Variants in FAM13C observed in about 807,000 individuals in gnomAD.
FAM13C encodes the protein family with sequence similarity 13 member C, also known as protein FAM13C.
FAM13C carries 37 observed loss-of-function variants against 73.2 expected under a neutral mutation model. The observed-to-expected ratio is 0.51, with a 90% CI of 0.39 to 0.67. The LOEUF is 0.67. Among genes scored for constraint, FAM13C ranks in the 30% least tolerant of loss-of-function variants. The probability of loss-of-function intolerance (pLI) is 0.00; values close to 1 mark genes in which losing one functional copy is unlikely to be tolerated. For missense variants in FAM13C, 589 were observed against 715.6 expected, an observed-to-expected ratio of 0.82 and a Z score of 2.02; for synonymous variants, 246 against 260.9, an observed-to-expected ratio of 0.94 and a Z score of 0.55.
intron 4 of FAM13C, among the ~76,000 whole-genome samples, chr10:59,313,375 T>C (rs902100229): frequency 1.3e-5 from 2 of 152,188 alleles, no homozygotes; most frequent in African/African-American, 4.8e-5. Context: ...TGTCATGCAA[T>C]AGCCTGGGTC....
In FAM13C at chr10:59,310,852, C is replaced by T. The variant is rs556944321; in HGVS notation, c.444-7988G>A. 2.6e-5 allele frequency among the ~76,000 whole-genome samples: 4 copies of T among 152,278 alleles called. No homozygotes were observed. The South Asian group carries it at 8.3e-4, about 32-fold the overall frequency. On this transcript the variant is annotated intron_variant, in intron 4 of 13. Transcript: ENST00000618804. ...AAAACAGAGATTCCTGGGCCACAAC[C>T]CAAACCTACTTAATCAGAATTTCCA...
chr10:59,351,727 G>A (rs1589720277), intron 3 of FAM13C, among the ~76,000 whole-genome samples: 1 of 152,144 alleles, frequency 6.6e-6, no homozygotes, highest in Non-Finnish European at 1.5e-5. Flanking sequence ...CAGGCGTGGT[G>A]GCTCACGCCT....
chr10:59,310,946 A>C (rs1021110497), intron 4 of FAM13C, among the ~76,000 whole-genome samples: 1 of 152,166 alleles, frequency 6.6e-6, no homozygotes, highest in African/African-American at 2.4e-5. Flanking sequence ...ACGCTATCCT[A>C]AAGGTCCAAG....
chr10:59,293,879 T>C (rs72808537), intron 5 of FAM13C, among the ~76,000 whole-genome samples: 23,583 of 152,236 alleles, frequency 0.15, 2,236 homozygotes, highest in East Asian at 0.27. Context: ...GAATTACCCT[T>C]AGAAGAAAAC....
intron 10 of FAM13C, among the ~76,000 whole-genome samples, chr10:59,261,901 T>A (rs1193694038): frequency 6.6e-6 from 1 of 152,136 alleles, no homozygotes; most frequent in African/African-American, 2.4e-5. Context: ...GACAACTCTA[T>A]CTAGATGCCT....
chr10:59,300,949 C>A (rs1045867805), intron 5 of FAM13C: 17 of 152,104 alleles, frequency 1.1e-4, no homozygotes, highest in African/African-American at 3.6e-4. Context: ...ATTTTCTATC[C>A]CCATTAAAAA....
chr10:59,269,673 C>T (rs1345387544), intron 7 of FAM13C, among the ~76,000 whole-genome samples: 1 of 152,132 alleles, frequency 6.6e-6, no homozygotes, highest in Non-Finnish European at 1.5e-5. Context: ...ACATGTGAGC[C>T]GCTGGGCTAT....
At chr10:59,277,091 A>G (rs1259019375) in intron 6 of FAM13C, among the ~76,000 whole-genome samples, 1 of 152,202 alleles carries the variant, frequency 6.6e-6, no homozygotes, top group Non-Finnish European at 1.5e-5. Flanking sequence ...ACCATGAAGC[A>G]GAGGTTCAAT....
chr10:59,336,813 C>T (rs1029768739), intron 3 of FAM13C, among the ~76,000 whole-genome samples: 2 of 152,146 alleles, frequency 1.3e-5, no homozygotes, highest in Non-Finnish European at 2.9e-5. Flanking sequence ...AATAGAAAAA[C>T]GTTTGCAAAG....
rs1361808996 is a variant in FAM13C, at chr10:59,324,080, C to T, written c.351G>A (p.Gln117=). Residue 117 remains glutamine, a synonymous_variant, in exon 4 of 14, where the codon CAG becomes CAA. Coordinates refer to ENST00000618804, the MANE Select transcript of FAM13C (RefSeq NM_198215.4). ...SQETEHVVSS[Q]SECQVRAGTP... ...TTCCTGCTCTCACCTGACACTCTGA[C>T]TGGCTGGATACCACATGCTCTGTCT... is the stretch of plus-strand genomic sequence containing the variant. The T allele has an allele frequency of 6.2e-7, 1 of 1,614,004 alleles. No homozygotes were observed.
At chr10:59,254,005 A>G (rs1210022475) in intron 11 of FAM13C, 2 of 289,916 alleles carry the variant, frequency 6.9e-6, no homozygotes, top group South Asian at 3.3e-4. Context: ...ACCAACACAC[A>G]GAACAGAAAG....
chr10:59,265,335 G>GGGGGGGAGGGGGGCGGA (rs78422182), intron 8 of FAM13C, among the ~76,000 whole-genome samples: 1 of 16,056 alleles, frequency 6.2e-5, no homozygotes, highest in African/African-American at 2.9e-4. Flanking sequence ...GGGGGGGGGG[G>GGGGGGGAGGGGGGCGGA]AATCCTGGTT....
intron 5 of FAM13C, 139 bp from the exon 6 acceptor site, chr10:59,283,586 G>A (rs1845193668): frequency 2.4e-6 from 2 of 817,894 alleles, no homozygotes; most frequent in South Asian, 2.8e-5. Flanking sequence ...GCTCCCGCAA[G>A]CACCTTCCTC....
chr10:59,248,955 G>A (rs571118154), intron 13 of FAM13C, among the ~76,000 whole-genome samples: 127 of 152,158 alleles, frequency 8.3e-4, no homozygotes, highest in African/African-American at 3.0e-3. Context: ...CCTCCATTCT[G>A]TGTTATGAGT....
At chr10:59,297,474 A>G (rs907650736) in intron 5 of FAM13C, among the ~76,000 whole-genome samples, 1 of 152,068 alleles carries the variant, frequency 6.6e-6, no homozygotes, top group Non-Finnish European at 1.5e-5. Flanking sequence ...AAAAGACAAC[A>G]CCATCCTTTC....
At chr10:59,335,899 T>C (rs575550639) in intron 3 of FAM13C, among the ~76,000 whole-genome samples, 2 of 152,328 alleles carry the variant, frequency 1.3e-5, no homozygotes, top group Admixed American at 1.3e-4. Context: ...TAACATGACA[T>C]AGTATCCTGG....
intron 4 of FAM13C, among the ~76,000 whole-genome samples, chr10:59,311,082 T>TGC (rs1848861975): frequency 6.6e-6 from 1 of 152,128 alleles, no homozygotes; most frequent in African/African-American, 2.4e-5. Flanking sequence ...AGAAAGGCTG[T>TGC]GCCCCTCAAA....
intron 13 of FAM13C, among the ~76,000 whole-genome samples, chr10:59,248,501 G>A (rs972238951): frequency 2.0e-5 from 3 of 152,088 alleles, no homozygotes; most frequent in Non-Finnish European, 4.4e-5. Context: ...GTCAGGAAAC[G>A]TTTTCTAAAG....
chr10:59,263,439 C>A (rs981195482), intron 9 of FAM13C, among the ~76,000 whole-genome samples: 5 of 152,154 alleles, frequency 3.3e-5, no homozygotes, highest in African/African-American at 9.7e-5. Context: ...AATTAGTATT[C>A]CCTTCCAGTT....
Sources: allele counts gnomAD v4.1 joint callset (sites outside exome capture counted in the v4.1 genomes callset), GRCh38; gene constraint gnomAD v4.1.1; transcripts MANE v1.5; gene names NCBI Gene and HGNC (gene_info 2026-07-23, HGNC 2026-07-21).